SLC25A48: variants seen among roughly 807,000 people sequenced by gnomAD.
The protein encoded by SLC25A48 is CTC-321K16.1.
In SLC25A48, 29 loss-of-function variants were observed where a neutral mutation model predicts 32.2. The ratio of observed to expected loss-of-function variants is 0.90; its 90% CI spans 0.67 to 1.23. The LOEUF (loss-of-function observed/expected upper bound fraction) is 1.23, where lower values mean the gene tolerates loss of function less well. Among genes scored for constraint, SLC25A48 ranks in the 50% most tolerant of loss-of-function variants. The pLI is 0.00. For missense variants in SLC25A48, 399 were observed against 422.7 expected, an observed-to-expected ratio of 0.94 and a Z score of 0.49; for synonymous variants, 164 against 172.3, an observed-to-expected ratio of 0.95 and a Z score of 0.38.
chr5:135,822,420 C>T (rs1378426677), intron 4 of SLC25A48, among the ~76,000 whole-genome samples: 1 of 152,116 alleles, frequency 6.6e-6, no homozygotes, highest in Non-Finnish European at 1.5e-5. Context: ...GAGTTGTTTT[C>T]TTCTTGGGGT....
chr5:135,666,643 G>T (rs1369171259), intron 3 of SLC25A48, among the ~76,000 whole-genome samples: 1 of 151,606 alleles, frequency 6.6e-6, no homozygotes, highest in Non-Finnish European at 1.5e-5. Flanking sequence ...ATAGAAGCCT[G>T]TGGTTCAGGG....
intron 3 of SLC25A48, chr5:135,649,388 C>G (rs975522229): frequency 2.0e-5 from 3 of 152,220 alleles, no homozygotes; most frequent in African/African-American, 7.2e-5. Flanking sequence ...CAAGTGTTGA[C>G]TGAGTGTCTA....
chr5:135,640,788 A>G (rs1752817046), intron 3 of SLC25A48, among the ~76,000 whole-genome samples: 1 of 152,164 alleles, frequency 6.6e-6, no homozygotes, highest in Non-Finnish European at 1.5e-5. Flanking sequence ...CTTGACAAAA[A>G]TTTAACACCC....
chr5:135,694,265 G>A (rs2126960644), intron 3 of SLC25A48, among the ~76,000 whole-genome samples: 1 of 152,308 alleles, frequency 6.6e-6, no homozygotes, highest in East Asian at 1.9e-4. Flanking sequence ...TGAGTACACA[G>A]ATGTGTCCCG....
intron 7 of SLC25A48, among the ~76,000 whole-genome samples, chr5:135,881,078 G>A (rs773908028): frequency 2.5e-4 from 38 of 152,174 alleles, no homozygotes; most frequent in Admixed American, 2.0e-4. Flanking sequence ...CAGTGTCATC[G>A]GATGGGTGGA....
intron 3 of SLC25A48, among the ~76,000 whole-genome samples, chr5:135,772,487 A>G (rs1756438711): frequency 2.0e-5 from 3 of 151,572 alleles, no homozygotes; most frequent in Non-Finnish European, 4.4e-5. Context: ...TTCACGAAGA[A>G]AGAGAATAAT....
chr5:135,788,444 G>A (rs1344575391), intron 3 of SLC25A48, among the ~76,000 whole-genome samples: 6 of 145,290 alleles, frequency 4.1e-5, no homozygotes, highest in South Asian at 2.2e-4. Context: ...ACCCCCTCCC[G>A]CCATATGGTC....
At chr5:135,871,804 A>T in intron 5 of SLC25A48, 86 bp downstream of exon 5, 1 of 1,582,230 alleles carries the variant, frequency 6.3e-7, no homozygotes, top group African/African-American at 1.3e-5. Context: ...TTCTCAGCCC[A>T]GGGGGAGGGC....
At chr5:135,827,960 A>G (rs961022659) in intron 4 of SLC25A48, among the ~76,000 whole-genome samples, 3 of 152,330 alleles carry the variant, frequency 2.0e-5, no homozygotes, top group African/African-American at 7.2e-5. Flanking sequence ...CTCCTTGTGC[A>G]GCCCAAGCAG....
chr5:135,642,017 T>C lies in SLC25A48; in HGVS notation c.-521+7061T>C, dbSNP rs183083532. ...AAGGCAGAACATAGCTTGTCTTTTC[T>C]AAGATCTTATCTCTTTAATGAGCAG... On this transcript the variant is annotated intron_variant, in intron 3 of 10. Transcript: ENST00000646290. Among the ~76,000 whole-genome samples, 5 of 152,376 alleles carry C rather than the reference T, an allele frequency of 3.3e-5. No homozygotes were observed. The East Asian group carries it at 9.6e-4, about 29-fold the overall frequency.
rs114414363 is a variant in SLC25A48 at position 135,608,691 on chromosome 5, A to T, written c.-848-20546A>T. Among the ~76,000 whole-genome samples, 913 of 152,340 alleles carry T rather than the reference A, an allele frequency of 6.0e-3. 9 individuals are homozygous for T. Among genetic ancestry groups the T allele is most frequent in the African/African-American group, 0.021 (862 of 41,572 alleles). On this transcript the variant is annotated intron_variant, in intron 1 of 10. Coordinates refer to the SLC25A48 transcript ENST00000646290. ...TGCACCGTGGCCAAGACAATGACTGATAGAAGTGGCTAGGCTGAGCAGGAA... is the reference window on the plus strand; with the variant it reads ...TGCACCGTGGCCAAGACAATGACTGTTAGAAGTGGCTAGGCTGAGCAGGAA...
At chr5:135,755,144 A>G (rs1406617332) in intron 3 of SLC25A48, among the ~76,000 whole-genome samples, 1 of 152,126 alleles carries the variant, frequency 6.6e-6, no homozygotes, top group Admixed American at 6.6e-5. Flanking sequence ...AGCGTTATTT[A>G]TGATACCCAG....
intron 3 of SLC25A48, among the ~76,000 whole-genome samples, chr5:135,779,263 C>G (rs758392354): frequency 6.6e-6 from 1 of 151,024 alleles, no homozygotes; most frequent in Non-Finnish European, 1.5e-5. Flanking sequence ...GGGAGAGAGG[C>G]TGATATTACT....
At chr5:135,781,777 G>A (rs1756721472) in intron 3 of SLC25A48, among the ~76,000 whole-genome samples, 1 of 116,510 alleles carries the variant, frequency 8.6e-6, no homozygotes, top group Non-Finnish European at 2.1e-5. Context: ...TGGGAAAGAG[G>A]ATGATATTAC....
At chr5:135,849,752 G>A (rs886390443) in intron 2 of SLC25A48, among the ~76,000 whole-genome samples, 7 of 152,170 alleles carry the variant, frequency 4.6e-5, no homozygotes, top group African/African-American at 1.4e-4. Flanking sequence ...AACAGCAGGG[G>A]CAGCTGGCTG....
intron 3 of SLC25A48, among the ~76,000 whole-genome samples, chr5:135,688,832 C>T (rs985150450): frequency 6.6e-6 from 1 of 152,304 alleles, no homozygotes; most frequent in African/African-American, 2.4e-5. Context: ...TGGCTGAACC[C>T]TCACTGGGAG....
intron 4 of SLC25A48, among the ~76,000 whole-genome samples, chr5:135,817,000 G>A (rs1014699759): frequency 6.6e-6 from 1 of 152,200 alleles, no homozygotes; most frequent in African/African-American, 2.4e-5. Context: ...AGAGGACCTA[G>A]AATATATTTT....
intron 3 of SLC25A48, among the ~76,000 whole-genome samples, chr5:135,740,566 C>T (rs530070796): frequency 7.9e-5 from 12 of 152,280 alleles, no homozygotes; most frequent in Middle Eastern, 6.8e-3. Context: ...AACTCCTTGA[C>T]CCTGAAAACA....
intron 3 of SLC25A48, chr5:135,652,586 T>G (rs1024409086): frequency 2.7e-6 from 1 of 370,576 alleles, no homozygotes; most frequent in African/African-American, 2.1e-5. Context: ...GAAGACTCAG[T>G]TGGAGCACCA....
Sources: allele counts gnomAD v4.1 joint callset (sites outside exome capture counted in the v4.1 genomes callset), GRCh38; gene constraint gnomAD v4.1.1; transcripts MANE v1.5; gene names NCBI Gene and HGNC (gene_info 2026-07-23, HGNC 2026-07-21).